Variants in GRIK4 observed in about 807,000 individuals in gnomAD.
The protein encoded by GRIK4 is glutamate ionotropic receptor kainate type subunit 4, also known as glutamate receptor ionotropic, kainate 4.
GRIK4 carries 40 observed loss-of-function variants against 104.9 expected under a neutral mutation model. The ratio of observed to expected loss-of-function variants is 0.38; its 90% confidence interval spans 0.30 to 0.50. The LOEUF is 0.50. GRIK4 is among the 20% of genes least tolerant of loss of function. GRIK4 has a pLI of 0.93. For synonymous variants in GRIK4, 485 were observed against 524.9 expected, an observed-to-expected ratio of 0.92 and a Z score of 1.04; for missense variants, 1,047 against 1,308.1, an observed-to-expected ratio of 0.80 and a Z score of 3.08.
At chr11:120,668,107 A>ATAGG (rs1241703444) in intron 3 of GRIK4, among the ~76,000 whole-genome samples, 1 of 128,128 alleles carries the variant, frequency 7.8e-6, no homozygotes, top group Non-Finnish European at 1.8e-5. Context: ...AGATGGATAG[A>ATAGG]TAGATAGATA....
At chr11:120,833,090 T>G (rs1275505412) in intron 7 of GRIK4, among the ~76,000 whole-genome samples, 2 of 143,148 alleles carry the variant, frequency 1.4e-5, no homozygotes, top group Admixed American at 1.4e-4. Context: ...CTTCCCTCCC[T>G]CCCTCCCAGC....
intron 13 of GRIK4, among the ~76,000 whole-genome samples, chr11:120,938,871 C>T (rs1943656576): frequency 6.6e-6 from 1 of 152,168 alleles, no homozygotes; most frequent in African/African-American, 2.4e-5. Flanking sequence ...CGTCCTACCA[C>T]CAGAAAATCT....
chr11:120,823,665 A>G (rs1953180672), intron 6 of GRIK4, among the ~76,000 whole-genome samples: 1 of 152,172 alleles, frequency 6.6e-6, no homozygotes, highest in Non-Finnish European at 1.5e-5. Flanking sequence ...TCTGCCTGGC[A>G]GGTGCAGTGT....
chr11:120,965,981 T>C (rs372086930), intron 18 of GRIK4, among the ~76,000 whole-genome samples: 159 of 152,342 alleles, frequency 1.0e-3, no homozygotes, highest in African/African-American at 3.7e-3. Context: ...CTTAGTTGTT[T>C]TCCAGCCTCT....
At chr11:120,729,876 G>A (rs1243548435) in intron 3 of GRIK4, among the ~76,000 whole-genome samples, 1 of 152,092 alleles carries the variant, frequency 6.6e-6, no homozygotes, top group Non-Finnish European at 1.5e-5. Context: ...GTGTTTTCTT[G>A]TAGTAGTTTC....
chr11:120,910,737 C>T (rs1019293736), intron 13 of GRIK4, among the ~76,000 whole-genome samples: 1 of 152,274 alleles, frequency 6.6e-6, no homozygotes, highest in Non-Finnish European at 1.5e-5. Flanking sequence ...TCAAGGAGGC[C>T]ACTCTTTGAT....
At chr11:120,639,896 C>T (rs1423484883) in intron 1 of GRIK4, among the ~76,000 whole-genome samples, 1 of 152,124 alleles carries the variant, frequency 6.6e-6, no homozygotes, top group Non-Finnish European at 1.5e-5. Context: ...TCTAGACTTC[C>T]TAGCATGGCT....
At chr11:120,794,395 G>A (rs900228320) in intron 3 of GRIK4, among the ~76,000 whole-genome samples, 6 of 152,002 alleles carry the variant, frequency 3.9e-5, no homozygotes, top group Admixed American at 6.5e-5. Context: ...AGAGGTAAAC[G>A]GCGGTTTTAG....
At chr11:120,531,202 G>C (rs927057097) in intron 1 of GRIK4, among the ~76,000 whole-genome samples, 3 of 152,208 alleles carry the variant, frequency 2.0e-5, no homozygotes, top group African/African-American at 7.2e-5. Context: ...CGATTCTTAT[G>C]TGTAAATGCT....
At chr11:120,974,052 C>T (rs1006857608) in intron 19 of GRIK4, among the ~76,000 whole-genome samples, 11 of 152,056 alleles carry the variant, frequency 7.2e-5, no homozygotes, top group African/African-American at 1.2e-4. Flanking sequence ...GGATTACAGG[C>T]GCATGCCACC....
chr11:120,536,957 G>A (rs1446580070), intron 1 of GRIK4, among the ~76,000 whole-genome samples: 1 of 152,206 alleles, frequency 6.6e-6, no homozygotes, highest in Non-Finnish European at 1.5e-5. Flanking sequence ...GGCCTAGGGC[G>A]TGCTCCCCAT....
At chr11:120,722,358 C>A (rs1157268743) in intron 3 of GRIK4, among the ~76,000 whole-genome samples, 1 of 152,190 alleles carries the variant, frequency 6.6e-6, no homozygotes, top group African/African-American at 2.4e-5. Context: ...GTGGCTCATG[C>A]CTGTAATCCC....
chr11:120,578,165 A>T (rs924497031), intron 1 of GRIK4, among the ~76,000 whole-genome samples: 2 of 152,206 alleles, frequency 1.3e-5, no homozygotes, highest in Non-Finnish European at 2.9e-5. Context: ...GGGAAGTAGA[A>T]GGGCACCTGT....
intron 3 of GRIK4, among the ~76,000 whole-genome samples, chr11:120,737,048 T>C (rs947264313): frequency 1.3e-5 from 2 of 152,124 alleles, no homozygotes; most frequent in Non-Finnish European, 2.9e-5. Flanking sequence ...ATAAGGATAG[T>C]CGTTGCAATG....
rs1239979806 is a variant in GRIK4, at chr11:120,883,050, A to G, written c.1164+7807A>G. ...AGTGCTCCGTTTATGTGCTCCCTCT[A>G]CTGTAGCCTTTTCACACTATTATTC... On this transcript the variant is annotated intron_variant, in intron 11 of 20. Transcript: ENST00000527524. Among the ~76,000 whole-genome samples, 5 of 152,038 alleles carry G rather than the reference A, an allele frequency of 3.3e-5. 1 individual carries two copies. The highest frequency in any genetic ancestry group is 1.5e-5 in the Non-Finnish European group (1 of 67,988).
rs547035527 is a variant in GRIK4, at chr11:120,548,192, G to A, written c.-159+36305G>A. Reference sequence around the variant, plus strand: ...TGCTGCCTGGCACCCAGGGGCTCTCGAAGTATGAAAATAGACACCATGCAT... The same window carrying A: ...TGCTGCCTGGCACCCAGGGGCTCTCAAAGTATGAAAATAGACACCATGCAT... On this transcript the variant is annotated intron_variant, in intron 1 of 20. Coordinates refer to ENST00000527524, the MANE Select transcript of GRIK4 (RefSeq NM_014619.5). Among the ~76,000 whole-genome samples, 6 of 152,204 alleles carry A rather than the reference G, an allele frequency of 3.9e-5. No homozygotes were observed. In the East Asian group the frequency reaches 5.8e-4, roughly 15 times the overall value.
At chr11:120,875,289 C>A (rs763990598) in intron 11 of GRIK4, 46 bp downstream of exon 11, 4 of 1,173,904 alleles carry the variant, frequency 3.4e-6, no homozygotes, top group South Asian at 1.2e-5. Context: ...CCTCTCTGTT[C>A]CATTTCATTG....
chr11:120,525,103 T>C (rs1396069842), intron 1 of GRIK4, among the ~76,000 whole-genome samples: 1 of 152,056 alleles, frequency 6.6e-6, no homozygotes, highest in Non-Finnish European at 1.5e-5. Context: ...TGAGGCCAAC[T>C]GTGGGCTCCC....
chr11:120,622,922 A>T (rs1219508302), intron 1 of GRIK4, among the ~76,000 whole-genome samples: 1 of 152,042 alleles, frequency 6.6e-6, no homozygotes, highest in African/African-American at 2.4e-5. Context: ...TCCTCTCAGG[A>T]TCCTTTGACT....
Sources: allele counts gnomAD v4.1 joint callset (sites outside exome capture counted in the v4.1 genomes callset), GRCh38; gene constraint gnomAD v4.1.1; transcripts MANE v1.5; gene names NCBI Gene and HGNC (gene_info 2026-07-23, HGNC 2026-07-21).